FRYL: variants seen among roughly 807,000 people sequenced by gnomAD.
FRYL encodes protein furry homolog-like.
Under a neutral mutation model 351.2 loss-of-function variants are expected in FRYL, and 150 were observed. The ratio of observed to expected loss-of-function variants is 0.43; its 90% CI spans 0.37 to 0.49. The LOEUF (loss-of-function observed/expected upper bound fraction) is 0.49, where lower values mean the gene tolerates loss of function less well. Among genes scored for constraint, FRYL ranks in the 20% least tolerant of loss-of-function variants. The probability of loss-of-function intolerance (pLI) is 0.00; values close to 1 mark genes in which losing one functional copy is unlikely to be tolerated. For missense variants in FRYL, 3,036 were observed against 3,619.3 expected (o/e 0.84, Z 4.13); for synonymous variants, 1,153 against 1,257.1 (o/e 0.92, Z 1.75).
intron 3 of FRYL, among the ~76,000 whole-genome samples, chr4:48,670,198 C>T (rs934877948): frequency 6.6e-6 from 1 of 151,976 alleles, no homozygotes; most frequent in African/African-American, 2.4e-5. Context: ...CTTTGGAAGG[C>T]TGAGGTGGGT....
intron 42 of FRYL, among the ~76,000 whole-genome samples, chr4:48,545,550 G>C (rs1395475597): frequency 6.6e-6 from 1 of 152,068 alleles, no homozygotes; most frequent in Non-Finnish European, 1.5e-5. Flanking sequence ...TTATGGCCTG[G>C]GCTTCATGGC....
chr4:48,712,923 T>C (rs1331629502), intron 1 of FRYL, among the ~76,000 whole-genome samples: 2 of 152,134 alleles, frequency 1.3e-5, no homozygotes, highest in Non-Finnish European at 2.9e-5. Context: ...GGGGCCAATA[T>C]TCAACATTTT....
At chr4:48,669,736 G>C (rs1217264539) in intron 3 of FRYL, among the ~76,000 whole-genome samples, 3 of 150,982 alleles carry the variant, frequency 2.0e-5, no homozygotes, top group Non-Finnish European at 4.4e-5. Flanking sequence ...ATTTTTAAAA[G>C]ATGGAGGAGA....
At position 48,499,343 on chromosome 4, in the gene FRYL, G is replaced by T; in HGVS notation, c.*79C>A. The T allele has an allele frequency of 1.6e-6, 2 of 1,251,830 alleles. No individual in the cohort carries two copies. The highest frequency in any genetic ancestry group is 2.3e-6 in the Non-Finnish European group (2 of 869,036). The allele number at this position is 1,251,830 out of a possible 1,614,324, so 77.5% of individuals were successfully genotyped here. On this transcript the variant is annotated 3_prime_UTR_variant, in exon 64 of 64. Transcript: ENST00000358350. Reference sequence around the variant, plus strand: ...TGCTGCCAGAAAGTTATCAGTGAATGCAAGGGTCCATAAAAGGTGCTTGGT... The same window carrying T: ...TGCTGCCAGAAAGTTATCAGTGAATTCAAGGGTCCATAAAAGGTGCTTGGT...
In FRYL at chr4:48,502,730, C is replaced by T. The variant is rs755652510; in HGVS notation, c.8481+98G>A. On this transcript the variant is annotated intron_variant, in intron 61 of 63. Transcript: ENST00000358350. ...CACATACTACTTGTAAAGTAGTCCA[C>T]GAGAAAACATTGCTGGGTCACAAAT... 3.6e-5 allele frequency: 33 copies of T among 920,520 alleles called. No individual in the cohort carries two copies. The Middle Eastern group carries it at 6.5e-4, about 18-fold the overall frequency. 57.0% of individuals were successfully genotyped at this position (920,520 alleles called of 1,614,324 possible). A position where few individuals can be genotyped will look rare whatever the true frequency, so the allele number is the denominator to read the frequency against.
intron 16 of FRYL, among the ~76,000 whole-genome samples, chr4:48,593,134 G>C (rs1743815608): frequency 6.6e-6 from 1 of 151,498 alleles, no homozygotes; most frequent in Non-Finnish European, 1.5e-5. Flanking sequence ...TTGGCATGGG[G>C]GAAACAAATT....
At chr4:48,725,833 C>T (rs1187201116) in intron 1 of FRYL, among the ~76,000 whole-genome samples, 4 of 151,590 alleles carry the variant, frequency 2.6e-5, no homozygotes, top group Admixed American at 1.3e-4. Context: ...TCTCTTACTG[C>T]GCCTTATTTA....
chr4:48,768,307 C>T (rs1314931010), intron 1 of FRYL, among the ~76,000 whole-genome samples: 8 of 152,148 alleles, frequency 5.3e-5, no homozygotes, highest in Admixed American at 2.6e-4. Context: ...GGACAGATTA[C>T]GCATAATATT....
Position 48,498,369 on chromosome 4 carries a change from C to T in FRYL, c.*1053G>A, listed in dbSNP as rs555577947. On this transcript the variant is annotated 3_prime_UTR_variant, in exon 64 of 64. Transcript: ENST00000358350. ...ACCACAATTTTTCTTTAGCTTTGTA[C>T]ACCTATTCTTGTATAACAACAGTGC... The T allele has an allele frequency of 6.6e-6, 1 of 152,408 alleles. No individual in the cohort carries two copies. Among genetic ancestry groups the T allele is most frequent in the East Asian group, 1.9e-4 (1 of 5,194 alleles). The allele number at this position is 152,408 out of a possible 1,614,324, so 9.4% of individuals were successfully genotyped here. A position where few individuals can be genotyped will look rare whatever the true frequency, so the allele number is the denominator to read the frequency against.
intron 2 of FRYL, among the ~76,000 whole-genome samples, chr4:48,699,596 T>C (rs1766527054): frequency 6.6e-6 from 1 of 152,170 alleles, no homozygotes; most frequent in Non-Finnish European, 1.5e-5. Context: ...TTAAACAAGG[T>C]GCTAATTCAA....
chr4:48,564,002 G>A lies in FRYL; in HGVS notation c.3542C>T (p.Ser1181Phe), dbSNP rs1736159240. ...AAAGCAGCCGGCCGCCACCCTCCCG[G>A]AGCCCGTGTAGCAGCGGTCCACAGC... ...YWAVDRCYTG[S>F]GRVAAGCFKA... is the part of the protein sequence containing the mutation. Residue 1181 changes from serine (S) to phenylalanine (F), a missense_variant, in exon 31 of 64, where the codon TCC becomes TTC. This residue lies in a region of FRYL where 1,987 missense variants were observed against 2,311.7 expected (regional missense o/e 0.86). Coordinates refer to ENST00000358350, the MANE Select transcript of FRYL (RefSeq NM_015030.2). 22 of 1,614,082 alleles carry A rather than the reference G, an allele frequency of 1.4e-5. No homozygotes were observed. The highest frequency in any genetic ancestry group is 1.9e-5 in the Non-Finnish European group (22 of 1,180,010).
chr4:48,638,873 G>A (rs764983303), intron 3 of FRYL, among the ~76,000 whole-genome samples: 3 of 152,040 alleles, frequency 2.0e-5, no homozygotes, highest in African/African-American at 2.4e-5. Flanking sequence ...ACCAAACACC[G>A]CATATTCTCA....
At chr4:48,779,766 G>C (rs543935068) in intron 1 of FRYL, among the ~76,000 whole-genome samples, 1 of 152,022 alleles carries the variant, frequency 6.6e-6, no homozygotes, top group African/African-American at 2.4e-5. Flanking sequence ...CACTGGAGGG[G>C]AAGGGGACGT....
At position 48,724,533 on chromosome 4, in the gene FRYL, C is replaced by T. The variant is rs1769861468; in HGVS notation, c.-383-13835G>A. Among the ~76,000 whole-genome samples the T allele has an allele frequency of 2.0e-5, 3 of 152,304 alleles. No individual in the cohort carries two copies. In the South Asian group the frequency reaches 6.2e-4, roughly 32 times the overall value. On this transcript the variant is annotated intron_variant, in intron 1 of 63. Coordinates refer to ENST00000358350, the MANE Select transcript of FRYL (RefSeq NM_015030.2). ...GAGTTTATCATCCAATATTTGTTTA[C>T]TGTTTGTCTACCCGACTAAAAAGCA...
intron 3 of FRYL, among the ~76,000 whole-genome samples, chr4:48,662,524 C>T (rs879578913): frequency 6.6e-6 from 1 of 150,846 alleles, no homozygotes; most frequent in Non-Finnish European, 1.5e-5. Context: ...TGGCTAAACC[C>T]ACAAATCCAA....
chr4:48,606,354 G>A (rs1387473298), intron 10 of FRYL, 84 bp downstream of exon 10: 4 of 741,842 alleles, frequency 5.4e-6, no homozygotes, highest in East Asian at 2.6e-5. Flanking sequence ...ATTAATTTAC[G>A]TGTATTTTGT....
rs957098475 is a variant in FRYL, at chr4:48,590,584, T to G, written c.1507+75A>C. 8 of 1,120,198 alleles carry G rather than the reference T, an allele frequency of 7.1e-6. No homozygotes were observed. In the Admixed American group the frequency reaches 1.3e-4, roughly 18 times the overall value. The allele number at this position is 1,120,198 out of a possible 1,614,324, so 69.4% of individuals were successfully genotyped here. A position where few individuals can be genotyped will look rare whatever the true frequency, so the allele number is the denominator to read the frequency against. On this transcript the variant is annotated intron_variant, in intron 17 of 63. Coordinates refer to ENST00000358350, the MANE Select transcript of FRYL (RefSeq NM_015030.2). ...CATATTAGGCAAATTTATATACATT[T>G]TATATTTGATCAGACTTTTATAAAA...
At chr4:48,707,967 C>T (rs554260584) in intron 2 of FRYL, among the ~76,000 whole-genome samples, 55 of 151,684 alleles carry the variant, frequency 3.6e-4, no homozygotes, top group African/African-American at 1.3e-3. Context: ...ACTATAGGCA[C>T]GTGCCACCAC....
chr4:48,564,112 G>A lies in FRYL; in HGVS notation c.3442-10C>T, dbSNP rs775148799. The A allele has an allele frequency of 5.6e-6, 9 of 1,611,868 alleles. No individual in the cohort carries two copies. The highest frequency in any genetic ancestry group is 7.6e-6 in the Non-Finnish European group (9 of 1,179,350). The stretch of plus-strand genomic sequence containing the variant: ...AGCCCAGCTGGTGAACCTAGGTAAA[G>A]GTTGTGAAATTGCCCGAGAGAGAAC... On this transcript the variant is annotated splice_polypyrimidine_tract_variant and intron_variant, in intron 30 of 63. Transcript: ENST00000358350.
Sources: gnomAD v4.1 joint callset for allele counts (sites outside exome capture counted in the v4.1 genomes callset) on GRCh38, gnomAD v4.1.1 for gene constraint, gnomAD v4.1.1 regional missense constraint, MANE v1.5 for transcripts, NCBI Gene and HGNC (gene_info 2026-07-23, HGNC 2026-07-21) for gene names.